Variants in PHF12 observed in about 807,000 individuals in gnomAD.
PHF12 encodes PHD factor 1.
A neutral mutation model predicts 99.8 loss-of-function variants in PHF12; 6 were observed. The ratio of observed to expected loss-of-function variants is 0.06; its 90% confidence interval spans 0.03 to 0.12. PHF12 has a LOEUF of 0.12. PHF12 is among the 10% of genes least tolerant of loss of function. The probability of loss-of-function intolerance (pLI) is 1.00; values close to 1 mark genes in which losing one functional copy is unlikely to be tolerated. For missense variants in PHF12, 954 were observed against 1,300.1 expected, an observed-to-expected ratio of 0.73 and a Z score of 4.09; for synonymous variants, 480 against 514.9, an observed-to-expected ratio of 0.93 and a Z score of 0.92.
rs2040776239 is a variant in PHF12 at position 28,949,740 on chromosome 17, G to T, written c.248+325C>A. 3 of 227,426 alleles carry T rather than the reference G, an allele frequency of 1.3e-5. No individual in the cohort carries two copies. Among genetic ancestry groups the T allele is most frequent in the Non-Finnish European group, 2.6e-5 (3 of 116,424 alleles). 14.1% of individuals were successfully genotyped at this position (227,426 alleles called of 1,614,324 possible). A position where few individuals can be genotyped will look rare whatever the true frequency, so the allele number is the denominator to read the frequency against. Reference sequence around the variant, plus strand: ...CGGGCAGGCAAGCGGCACTGGGCCCGGAGCTCCTCCCCTTCCTCCCCCGCC... The same window carrying T: ...CGGGCAGGCAAGCGGCACTGGGCCCTGAGCTCCTCCCCTTCCTCCCCCGCC... On this transcript the variant is annotated intron_variant, in intron 2 of 14. Transcript: ENST00000332830. This position sits in a 1 kb window ranked among gnomAD's most constrained non-coding sequence, Gnocchi z 4.6.
chr17:28,911,600 G>A (rs150857882), intron 9 of PHF12, among the ~76,000 whole-genome samples: 188 of 152,270 alleles, frequency 1.2e-3, no homozygotes, highest in African/African-American at 3.9e-3. Flanking sequence ...GACTCACGGC[G>A]TGGAGAATCT....
At chr17:28,911,013 G>C in intron 10 of PHF12, 99 bp downstream of exon 10, 1 of 1,537,718 alleles carries the variant, frequency 6.5e-7, no homozygotes, top group Non-Finnish European at 8.8e-7. Context: ...TCTGGGATCA[G>C]GTGTCCCTTC....
intron 2 of PHF12, chr17:28,929,976 T>C (rs749403103): frequency 2.0e-5 from 3 of 152,282 alleles, no homozygotes; most frequent in African/African-American, 7.2e-5. Flanking sequence ...CTTCTGATTC[T>C]GTTTCTCATC....
chr17:28,921,545 G>T lies in PHF12; in HGVS notation c.836+143C>A, dbSNP rs747182597. 2.4e-4 allele frequency: 258 copies of T among 1,071,588 alleles called. 1 individual carries two copies. Among genetic ancestry groups the T allele is most frequent in the Non-Finnish European group, 3.2e-4 (235 of 743,686 alleles). 66.4% of individuals were successfully genotyped at this position (1,071,588 alleles called of 1,614,324 possible). ...ACATACACATTCAAGGCTCTCGTCA[G>T]TCCATTAGTTAGTCTCCATGTACTC... On this transcript the variant is annotated intron_variant, in intron 5 of 14. Coordinates refer to ENST00000332830, the MANE Select transcript of PHF12 (RefSeq NM_001033561.2).
chr17:28,939,447 TCTGACCAGTAATTGATGA>T (rs1325351226), intron 2 of PHF12, among the ~76,000 whole-genome samples: 1 of 152,222 alleles, frequency 6.6e-6, no homozygotes, highest in Non-Finnish European at 1.5e-5. Context: ...TATAATGTAT[TCTGACCAGTAATTGATGA>T]CTGCTAATTG....
At chr17:28,941,234 A>G (rs2040610956) in intron 2 of PHF12, among the ~76,000 whole-genome samples, 2 of 152,148 alleles carry the variant, frequency 1.3e-5, no homozygotes. Context: ...AAGAAAGTTG[A>G]GAGATGGATT....
At chr17:28,917,219 T>A in intron 7 of PHF12, 66 bp downstream of exon 7, 1 of 1,604,524 alleles carries the variant, frequency 6.2e-7, no homozygotes. Flanking sequence ...ATTGGGACAG[T>A]GATCCTCTGT....
In PHF12 at chr17:28,906,078, G is replaced by A. The variant is rs2039866188; in HGVS notation, c.*105C>T. On this transcript the variant is annotated 3_prime_UTR_variant, in exon 15 of 15. Transcript: ENST00000332830. The surrounding 1 kb of genome is among the most constrained non-coding windows in gnomAD (Gnocchi z 4.2). The stretch of plus-strand genomic sequence containing the variant: ...TTCATGCAAAGATTGTAGTTGAAGG[G>A]TTTCTGGTAGAGTATAGAAAACACC... The A allele has an allele frequency of 9.0e-6, 10 of 1,105,174 alleles. No homozygotes were observed. Among genetic ancestry groups the A allele is most frequent in the Non-Finnish European group, 1.3e-5 (10 of 796,560 alleles). 68.5% of individuals were successfully genotyped at this position (1,105,174 alleles called of 1,614,324 possible).
At chr17:28,918,881 T>A (rs2040107298) in intron 6 of PHF12, among the ~76,000 whole-genome samples, 1 of 152,350 alleles carries the variant, frequency 6.6e-6, no homozygotes, top group East Asian at 1.9e-4. Context: ...TAACATCAAC[T>A]GCTTAATTCC....
At chr17:28,907,050 A>G in intron 13 of PHF12, 56 bp from the exon 14 acceptor site, 1 of 1,540,796 alleles carries the variant, frequency 6.5e-7, no homozygotes, top group Admixed American at 1.9e-5. Context: ...GCCTGGGGCT[A>G]AGGGGAGAGA....
At chr17:28,947,445 G>A (rs1206228853) in intron 2 of PHF12, among the ~76,000 whole-genome samples, 2 of 152,002 alleles carry the variant, frequency 1.3e-5, no homozygotes, top group African/African-American at 4.8e-5. Context: ...GGGTGTGGTG[G>A]CGGGCACCTA....
At chr17:28,910,442 G>A in intron 10 of PHF12, 73 bp from the exon 11 acceptor site, 3 of 1,502,462 alleles carry the variant, frequency 2.0e-6, no homozygotes, top group Non-Finnish European at 2.7e-6. Context: ...CAGGGTCACA[G>A]AGCAAATAGT....
chr17:28,925,314 G>A (rs1049328182), intron 3 of PHF12: 1 of 152,176 alleles, frequency 6.6e-6, no homozygotes, highest in African/African-American at 2.4e-5. Flanking sequence ...ATATGGTGGA[G>A]GGAGATAAAA....
At chr17:28,939,795 C>T (rs1263772675) in intron 2 of PHF12, among the ~76,000 whole-genome samples, 1 of 152,226 alleles carries the variant, frequency 6.6e-6, no homozygotes, top group African/African-American at 2.4e-5. Context: ...AGGGGTCCAC[C>T]TGGAACTCAA....
chr17:28,923,138 A>G (rs748142639), intron 4 of PHF12, among the ~76,000 whole-genome samples: 25 of 152,164 alleles, frequency 1.6e-4, no homozygotes, highest in Non-Finnish European at 2.9e-4. Flanking sequence ...TGGTTTAACT[A>G]GCATGTTACT....
rs201003395 is a variant in PHF12, at chr17:28,912,989, T to G, written c.1582A>C (p.Lys528Gln). The G allele has an allele frequency of 8.7e-6, 14 of 1,614,090 alleles. No individual in the cohort carries two copies. The highest frequency in any genetic ancestry group is 1.1e-5 in the Non-Finnish European group (13 of 1,180,034). ...GTCCCACAAGGGGTTTTCTTGGATT[T>G]TTCCGCACAAGAACTGCAGCCGATG... The part of the protein sequence containing the change: ...EDIGCSSCAE[K>Q]SKKTPCGTAN... The change falls in exon 9 of 15, where the codon AAA becomes CAA. Residue 528 changes from lysine to glutamine, a missense_variant. Lys to Gln is a moderately conservative substitution (Grantham distance 53). Around this residue, in one of 8 missense-constraint regions of PHF12, gnomAD observed 392 missense variants for 423.1 expected, o/e 0.93. Transcript: ENST00000332830.
In PHF12 at chr17:28,906,926, T is replaced by C. The variant is rs779815640; in HGVS notation, c.2610A>G (p.Ser870=). 1.9e-6 allele frequency: 3 copies of C among 1,613,598 alleles called. No individual in the cohort carries two copies. The highest frequency in any genetic ancestry group is 1.7e-5 in the Admixed American group (1 of 59,938). The stretch of plus-strand genomic sequence containing the variant: ...GCGGGGTCTTCTCCGAGAAGTCACA[T>C]GAATACAGCACATTGTCCACCGTTG... ...HGTTVDNVLY[S]CDFSEKTPPT... Residue 870 remains serine, a synonymous_variant, in exon 14 of 15, where the codon TCA becomes TCG. Coordinates refer to ENST00000332830, the MANE Select transcript of PHF12 (RefSeq NM_001033561.2). The surrounding 1 kb of genome is among the most constrained non-coding windows in gnomAD (Gnocchi z 4.2).
intron 4 of PHF12, 128 bp from the exon 5 acceptor site, chr17:28,921,936 C>T: frequency 7.9e-7 from 1 of 1,264,604 alleles, no homozygotes; most frequent in South Asian, 1.6e-5. Context: ...GAATTGCTCT[C>T]TGAGGCCCCT....
At chr17:28,940,447 A>T (rs2040592965) in intron 2 of PHF12, among the ~76,000 whole-genome samples, 1 of 152,244 alleles carries the variant, frequency 6.6e-6, no homozygotes, top group Admixed American at 6.5e-5. Context: ...AAATTGCATC[A>T]ATCTGCAAGG....
Sources: allele counts gnomAD v4.1 joint callset (sites outside exome capture counted in the v4.1 genomes callset), GRCh38; gene constraint gnomAD v4.1.1; regional missense constraint gnomAD v4.1.1; non-coding constraint Gnocchi (gnomAD v3.1); transcripts MANE v1.5; gene names NCBI Gene and HGNC (gene_info 2026-07-23, HGNC 2026-07-21).